The following ITGA1 variants were observed in gnomAD, a reference collection of about 807,000 sequenced individuals.
ITGA1 encodes integrin subunit alpha 1.
In ITGA1, 85 loss-of-function variants were observed where a neutral mutation model predicts 145.9. The ratio of observed to expected loss-of-function variants is 0.58; its 90% CI spans 0.49 to 0.70. The LOEUF is 0.70. ITGA1 is among the 30% of genes least tolerant of loss of function. The probability of loss-of-function intolerance (pLI) is 0.00; values close to 1 mark genes in which losing one functional copy is unlikely to be tolerated. For missense variants in ITGA1, 1,351 were observed against 1,418.7 expected (o/e 0.95, Z 0.77); for synonymous variants, 520 against 495.3 (o/e 1.05, Z -0.66).
rs374203543 is a variant in ITGA1 at position 52,909,047 on chromosome 5, G to A, written c.1599+6G>A. 1.9e-5 allele frequency: 31 copies of A among 1,605,490 alleles called. No individual in the cohort carries two copies. Among genetic ancestry groups the A allele is most frequent in the Middle Eastern group, 1.6e-4 (1 of 6,070 alleles). Reference sequence around the variant, plus strand: ...ATGTGTATGCTCTCAATCAGGTAATGGTGTCTGAGTTTGGTAGAAATCCAG... The same window carrying A: ...ATGTGTATGCTCTCAATCAGGTAATAGTGTCTGAGTTTGGTAGAAATCCAG... On this transcript the variant is annotated splice_donor_region_variant and intron_variant, in intron 13 of 28. Coordinates refer to ENST00000282588, the MANE Select transcript of ITGA1 (RefSeq NM_181501.2).
intron 26 of ITGA1, among the ~76,000 whole-genome samples, chr5:52,942,279 G>T (rs1182947407): frequency 6.6e-6 from 1 of 152,066 alleles, no homozygotes. Context: ...AGATCCACAT[G>T]AATTTTAGAA....
At chr5:52,843,164 G>A (rs1201390364) in intron 1 of ITGA1, among the ~76,000 whole-genome samples, 1 of 151,960 alleles carries the variant, frequency 6.6e-6, no homozygotes, top group Admixed American at 6.6e-5. Flanking sequence ...TACCACCAAA[G>A]AATTTGCCCT....
chr5:52,878,791 T>C (rs2111799482), intron 6 of ITGA1, among the ~76,000 whole-genome samples: 1 of 152,268 alleles, frequency 6.6e-6, no homozygotes, highest in Middle Eastern at 3.4e-3. Context: ...GTGACTTGTG[T>C]CTAGCAGCAT....
At chr5:52,814,382 C>G (rs1371367318) in intron 1 of ITGA1, among the ~76,000 whole-genome samples, 2 of 152,060 alleles carry the variant, frequency 1.3e-5, no homozygotes, top group African/African-American at 4.8e-5. Flanking sequence ...AGGTGATCTG[C>G]CTACCCCAGG....
intron 27 of ITGA1, among the ~76,000 whole-genome samples, chr5:52,945,358 C>G (rs1751120357): frequency 6.6e-6 from 1 of 152,094 alleles, no homozygotes; most frequent in African/African-American, 2.4e-5. Flanking sequence ...TCCTTAAAAG[C>G]TGACATTATA....
At chr5:52,858,701 C>T (rs1749554006) in intron 2 of ITGA1, among the ~76,000 whole-genome samples, 1 of 152,104 alleles carries the variant, frequency 6.6e-6, no homozygotes, top group Admixed American at 6.6e-5. Context: ...ATCGTAACCT[C>T]ATTAATATAA....
chr5:52,889,175 A>G (rs1444918876), intron 8 of ITGA1, among the ~76,000 whole-genome samples: 1 of 148,664 alleles, frequency 6.7e-6, no homozygotes, highest in Non-Finnish European at 1.5e-5. Context: ...ATCTCGGCTC[A>G]CTGCAACCTC....
intron 28 of ITGA1, among the ~76,000 whole-genome samples, chr5:52,948,657 C>T (rs1183172852): frequency 2.6e-5 from 4 of 152,224 alleles, no homozygotes; most frequent in Non-Finnish European, 5.9e-5. Flanking sequence ...AGTGTTCTCT[C>T]TGTAATACCT....
Position 52,832,480 on chromosome 5 carries a change from C to A in ITGA1, c.62-16885C>A, listed in dbSNP as rs557858700. 5.9e-5 allele frequency among the ~76,000 whole-genome samples: 9 copies of A among 152,244 alleles called. No individual in the cohort carries two copies. The South Asian group carries it at 1.9e-3, about 32-fold the overall frequency. On this transcript the variant is annotated intron_variant, in intron 1 of 28. Coordinates refer to ENST00000282588, the MANE Select transcript of ITGA1 (RefSeq NM_181501.2). ...ATGGAAGGGTCAAATTAAATAATAG[C>A]TGAGGTCTCATCCCTTCTACCCATA...
chr5:52,801,948 A>G, intron 1 of ITGA1: 1 of 763,900 alleles, frequency 1.3e-6, no homozygotes, highest in South Asian at 1.9e-5. Flanking sequence ...TTTGATTCAT[A>G]CAGGGATTTC....
intron 1 of ITGA1, among the ~76,000 whole-genome samples, chr5:52,822,300 T>C (rs1051159599): frequency 1.3e-5 from 2 of 152,214 alleles, no homozygotes; most frequent in African/African-American, 2.4e-5. Flanking sequence ...ACATTCTGGC[T>C]ATAATTAGTT....
intron 15 of ITGA1, 73 bp downstream of exon 15, chr5:52,915,667 A>C (rs1239944592): frequency 3.3e-6 from 5 of 1,506,368 alleles, no homozygotes; most frequent in African/African-American, 1.4e-5. Flanking sequence ...ATTGGAGCTC[A>C]TGTCATACCA....
intron 1 of ITGA1, among the ~76,000 whole-genome samples, chr5:52,810,977 G>GAATTCT (rs2111684967): frequency 6.6e-6 from 1 of 152,280 alleles, no homozygotes; most frequent in South Asian, 2.1e-4. Context: ...TCTTCTGGAT[G>GAATTCT]AATTAGAAAT....
At chr5:52,874,034 A>G (rs193215213) in intron 6 of ITGA1, among the ~76,000 whole-genome samples, 215 of 152,092 alleles carry the variant, frequency 1.4e-3, no homozygotes, top group African/African-American at 4.8e-3. Context: ...TTCTGTTGCT[A>G]TAACAAAATA....
At chr5:52,843,886 A>G (rs1045924662) in intron 1 of ITGA1, among the ~76,000 whole-genome samples, 1 of 152,154 alleles carries the variant, frequency 6.6e-6, no homozygotes, top group African/African-American at 2.4e-5. Flanking sequence ...AAAGAGGGGA[A>G]TGTCTGCTGT....
At chr5:52,810,709 C>G (rs1309388889) in intron 1 of ITGA1, among the ~76,000 whole-genome samples, 1 of 152,164 alleles carries the variant, frequency 6.6e-6, no homozygotes, top group African/African-American at 2.4e-5. Flanking sequence ...AGTCTGTTAT[C>G]ACCACAGTAA....
chr5:52,914,455 T>C (rs1750611066), intron 14 of ITGA1, among the ~76,000 whole-genome samples: 1 of 151,898 alleles, frequency 6.6e-6, no homozygotes, highest in African/African-American at 2.4e-5. Context: ...TGGCCAATGG[T>C]GAAACCCCGT....
At chr5:52,892,692 C>T (rs534353278) in intron 8 of ITGA1, among the ~76,000 whole-genome samples, 1 of 152,224 alleles carries the variant, frequency 6.6e-6, no homozygotes, top group African/African-American at 2.4e-5. Flanking sequence ...TGCAGCAACA[C>T]GGATGACTCT....
chr5:52,905,768 A>G lies in ITGA1; in HGVS notation c.1315A>G (p.Thr439Ala). ...TGGAATCTTTCTTTTGTTAGGTTAC[A>G]CTGTAAACTCTGCTACTGCTTCTTC... Reference protein sequence around the residue: ...NEPLASYLGYTVNSATASSGD... With the variant: ...NEPLASYLGYAVNSATASSGD... The change falls in exon 12 of 29, where the codon ACT becomes GCT. Residue 439 changes from threonine to alanine, a missense_variant. Physicochemically the swap from Thr to Ala is moderately conservative, Grantham distance 58. Transcript: ENST00000282588. 2.5e-6 allele frequency: 4 copies of G among 1,612,740 alleles called. No homozygotes were observed. Among genetic ancestry groups the G allele is most frequent in the South Asian group, 2.2e-5 (2 of 90,710 alleles).
Sources: allele counts gnomAD v4.1 joint callset (sites outside exome capture counted in the v4.1 genomes callset), GRCh38; gene constraint gnomAD v4.1.1; transcripts MANE v1.5; gene names NCBI Gene and HGNC (gene_info 2026-07-23, HGNC 2026-07-21).